Variants in HM13 observed in about 807,000 individuals in gnomAD.
HM13 encodes histocompatibility minor 13.
Under a neutral mutation model 50.0 loss-of-function variants are expected in HM13, and 18 were observed. That is an observed-to-expected ratio of 0.36 (90% CI 0.25 to 0.53). HM13 has a LOEUF of 0.53. Ranked by LOEUF, HM13 falls within the 20% of genes least tolerant of loss-of-function variation. The probability of loss-of-function intolerance (pLI) is 0.90; values close to 1 mark genes in which losing one functional copy is unlikely to be tolerated. For synonymous variants in HM13, 197 were observed against 232.6 expected, an observed-to-expected ratio of 0.85 and a Z score of 1.39; for missense variants, 393 against 552.4, an observed-to-expected ratio of 0.71 and a Z score of 2.89.
intron 4 of HM13, 139 bp from the exon 5 acceptor site, chr20:31,548,890 T>TGGGGCAGCCAAGGCTTAGCC: frequency 1.3e-6 from 1 of 760,310 alleles, no homozygotes. Context: ...CATACTAATC[T>TGGGGCAGCCAAGGCTTAGCC]GGGGCAGCCA....
chr20:31,547,432 C>T (rs1227704867), intron 4 of HM13: 1 of 507,274 alleles, frequency 2.0e-6, no homozygotes, highest in Non-Finnish European at 3.5e-6. Flanking sequence ...CGCCGGCCTT[C>T]CTGCAGGGGA....
At chr20:31,519,334 C>A (rs1982006799) in intron 1 of HM13, among the ~76,000 whole-genome samples, 1 of 152,236 alleles carries the variant, frequency 6.6e-6, no homozygotes, top group African/African-American at 2.4e-5. Context: ...CTCCTGACCT[C>A]AGGTGATCCA....
At chr20:31,525,306 C>T (rs1437426461) in intron 1 of HM13, among the ~76,000 whole-genome samples, 1 of 152,158 alleles carries the variant, frequency 6.6e-6, no homozygotes, top group Non-Finnish European at 1.5e-5. Context: ...TTGCAACCTT[C>T]CACCTGGGAC....
chr20:31,554,771 G>C lies in HM13; in HGVS notation c.750G>C (p.Glu250Asp). 1 of 1,614,144 alleles carries C rather than the reference G, an allele frequency of 6.2e-7. No individual in the cohort carries two copies. The highest frequency in any genetic ancestry group is 8.5e-7 in the Non-Finnish European group (1 of 1,179,996). ...TGGTGTTTCCCCAGGATCTGCTGGAGAAAGGCCTCGAAGCAAACAACTTTG... is the reference window on the plus strand; with the variant it reads ...TGGTGTTTCCCCAGGATCTGCTGGACAAAGGCCTCGAAGCAAACAACTTTG... ...IKLVFPQDLLEKGLEANNFAM... is the reference protein window; with the variant it reads ...IKLVFPQDLLDKGLEANNFAM... Residue 250 changes from glutamate (E) to aspartate (D), a missense_variant, in exon 8 of 13, where the codon GAG (glutamate) becomes GAC (aspartate). By Grantham distance (45) the Glu-to-Asp change is conservative (BLOSUM62 2). This residue lies in a region of HM13 where 74 missense variants were observed against 160.4 expected (regional missense o/e 0.46). Coordinates refer to ENST00000398174, the MANE Select transcript of HM13 (RefSeq NM_178581.3).
chr20:31,562,037 G>C (rs1984645216), intron 10 of HM13, among the ~76,000 whole-genome samples: 1 of 152,254 alleles, frequency 6.6e-6, no homozygotes. Context: ...GGCCAGACTG[G>C]GGTCCTAAAG....
chr20:31,542,860 TTAAG>T (rs1673639083), intron 3 of HM13, among the ~76,000 whole-genome samples: 1 of 152,038 alleles, frequency 6.6e-6, no homozygotes, highest in African/African-American at 2.4e-5. Flanking sequence ...CACAGAGCAG[TTAAG>T]TAAGTTTCCC....
At chr20:31,565,394 G>A (rs551710379) in intron 10 of HM13, among the ~76,000 whole-genome samples, 2 of 149,240 alleles carry the variant, frequency 1.3e-5, no homozygotes, top group East Asian at 3.9e-4. Context: ...CAGGAGAATC[G>A]CTTGAACCCT....
chr20:31,525,220 C>T (rs966924084), intron 1 of HM13, among the ~76,000 whole-genome samples: 23 of 152,180 alleles, frequency 1.5e-4, no homozygotes, highest in African/African-American at 4.6e-4. Flanking sequence ...CCCAGGATTT[C>T]GAATCTAGCC....
intron 7 of HM13, among the ~76,000 whole-genome samples, chr20:31,553,554 C>T (rs1036608297): frequency 1.3e-5 from 2 of 152,092 alleles, no homozygotes; most frequent in Non-Finnish European, 2.9e-5. Flanking sequence ...AAAACTAAGG[C>T]AGGTAAGTAA....
intron 9 of HM13, among the ~76,000 whole-genome samples, chr20:31,560,876 C>T (rs1272392983): frequency 6.6e-6 from 1 of 152,240 alleles, no homozygotes; most frequent in East Asian, 1.9e-4. Flanking sequence ...GGGTCAGAAG[C>T]ACTCATTCAT....
Position 31,561,609 on chromosome 20 carries a change from CTCTT to C in HM13, c.846-20_846-17del, listed in dbSNP as rs777971777. On this transcript the variant is annotated intron_variant, in intron 9 of 12. Coordinates refer to ENST00000398174, the MANE Select transcript of HM13 (RefSeq NM_178581.3). ...TCAGTCCCTATATCTAACCCTCCTC[CTCTT>C]TCTTCACACCTTCCCTGCAGCTTGA... 8 of 1,510,576 alleles carry C rather than the reference CTCTT, an allele frequency of 5.3e-6. 1 individual carries two copies. Among genetic ancestry groups the C allele is most frequent in the Middle Eastern group, 3.4e-4 (2 of 5,858 alleles). The allele number at this position is 1,510,576 out of a possible 1,614,324, so 93.6% of individuals were successfully genotyped here.
In HM13 at chr20:31,568,210, G is replaced by C; in HGVS notation, c.1167G>C (p.Gln389His). The C allele has an allele frequency of 6.2e-7, 1 of 1,612,776 alleles. No homozygotes were observed. Among genetic ancestry groups the C allele is most frequent in the Non-Finnish European group, 8.5e-7 (1 of 1,179,852 alleles). The part of the protein sequence containing the change: ...KLAGPRRRRP[Q>H]NPSAIYEESN... Reference sequence around the variant, plus strand: ...CTGGCCCTCGCCGCCGGCGCCCGCAGAATCCCAGCGCCATGTAATGCCCAG... The same window carrying C: ...CTGGCCCTCGCCGCCGGCGCCCGCACAATCCCAGCGCCATGTAATGCCCAG... Residue 389 changes from glutamine (Q) to histidine (H), a missense_variant, in exon 12 of 13, where the codon CAG becomes CAC. Coordinates refer to ENST00000398174, the MANE Select transcript of HM13 (RefSeq NM_178581.3).
intron 3 of HM13, among the ~76,000 whole-genome samples, chr20:31,544,259 G>A (rs1600646114): frequency 6.6e-6 from 1 of 152,204 alleles, no homozygotes; most frequent in East Asian, 1.9e-4. Context: ...TGCTAATCTT[G>A]CTCTGAAAAA....
intron 2 of HM13, among the ~76,000 whole-genome samples, chr20:31,529,846 A>G (rs191541464): frequency 2.6e-5 from 4 of 152,298 alleles, no homozygotes; most frequent in Admixed American, 2.6e-4. Context: ...ATGTGCCTGT[A>G]GTCCCAGCTA....
chr20:31,533,361 C>T (rs571618166), intron 2 of HM13, among the ~76,000 whole-genome samples: 46 of 152,218 alleles, frequency 3.0e-4, no homozygotes, highest in Middle Eastern at 3.4e-3. Flanking sequence ...AAAAGTTAAC[C>T]GAGCGTGGTG....
chr20:31,533,918 C>G (rs1043966403), intron 2 of HM13, among the ~76,000 whole-genome samples: 8 of 152,246 alleles, frequency 5.3e-5, no homozygotes, highest in African/African-American at 1.9e-4. Context: ...CTTACTCTTT[C>G]ACCCAGGCTG....
At chr20:31,561,855 C>T in intron 10 of HM13, 119 bp downstream of exon 10, 1 of 726,236 alleles carries the variant, frequency 1.4e-6, no homozygotes, top group Non-Finnish European at 2.4e-6. Flanking sequence ...GGTGTTGGAG[C>T]AGTCATGTCT....
At chr20:31,550,429 A>C in intron 7 of HM13, 5 of 319,630 alleles carry the variant, frequency 1.6e-5, no homozygotes, top group East Asian at 1.2e-4. Context: ...AGGAGAGAAA[A>C]CCTCTAAGCC....
chr20:31,530,566 A>G lies in HM13; in HGVS notation c.282+2984A>G, dbSNP rs555296755. 6.6e-5 allele frequency among the ~76,000 whole-genome samples: 10 copies of G among 152,208 alleles called. No homozygotes were observed. The East Asian group carries it at 1.9e-3, about 29-fold the overall frequency. On this transcript the variant is annotated intron_variant, in intron 2 of 12. Transcript: ENST00000398174. The stretch of plus-strand genomic sequence containing the variant: ...GCTGGGACTACAGGTGCATGCCACC[A>G]CACCCAGCTAATTTTTGTAATTTTA...
Sources: gnomAD v4.1 joint callset for allele counts (sites outside exome capture counted in the v4.1 genomes callset) on GRCh38, gnomAD v4.1.1 for gene constraint, gnomAD v4.1.1 regional missense constraint, MANE v1.5 for transcripts, NCBI Gene and HGNC (gene_info 2026-07-23, HGNC 2026-07-21) for gene names.